CASQ2: variants seen among roughly 807,000 people sequenced by gnomAD.
CASQ2 encodes the protein calsequestrin-2.
Under a neutral mutation model 46.5 loss-of-function variants are expected in CASQ2, and 49 were observed. The ratio of observed to expected loss-of-function variants is 1.05; its 90% CI spans 0.84 to 1.34. The LOEUF (loss-of-function observed/expected upper bound fraction) is 1.34, where lower values mean the gene tolerates loss of function less well. Ranked by LOEUF, CASQ2 falls within the 40% of genes most tolerant of loss-of-function variation. The pLI, the probability that CASQ2 is intolerant of heterozygous loss-of-function variation, is 0.00. For missense variants in CASQ2, 486 were observed against 481.3 expected, an observed-to-expected ratio of 1.01 and a Z score of -0.09; for synonymous variants, 174 against 168.5, an observed-to-expected ratio of 1.03 and a Z score of -0.25.
intron 1 of CASQ2, among the ~76,000 whole-genome samples, chr1:115,761,335 T>C (rs572529047): frequency 8.9e-4 from 113 of 127,306 alleles, no homozygotes; most frequent in African/African-American, 3.8e-3. Flanking sequence ...AGGAGGAGGT[T>C]GCAGTGAGCT....
In CASQ2 at chr1:115,701,202, G is replaced by C; in HGVS notation, c.*39C>G. ...TTGTGCTGTCTGTATGGTAGTGGGT[G>C]CTGTGATTTTGTTTTCATCAGAATT... On this transcript the variant is annotated 3_prime_UTR_variant, in exon 11 of 11. Transcript: ENST00000261448. The C allele has an allele frequency of 6.2e-7, 1 of 1,613,152 alleles. No homozygotes were observed. The highest frequency in any genetic ancestry group is 8.5e-7 in the Non-Finnish European group (1 of 1,179,988).
chr1:115,737,115 A>G (rs1437149937), intron 4 of CASQ2, among the ~76,000 whole-genome samples: 2 of 152,330 alleles, frequency 1.3e-5, no homozygotes, highest in South Asian at 2.1e-4. Flanking sequence ...GGGAAGGAGA[A>G]GCACCCCAGA....
intron 1 of CASQ2, among the ~76,000 whole-genome samples, chr1:115,749,419 T>C (rs1648499001): frequency 6.6e-6 from 1 of 152,142 alleles, no homozygotes; most frequent in Admixed American, 6.5e-5. Flanking sequence ...TTTTCCCGAT[T>C]CCCTGGTTAA....
At chr1:115,753,628 C>A (rs1248921274) in intron 1 of CASQ2, among the ~76,000 whole-genome samples, 1 of 152,198 alleles carries the variant, frequency 6.6e-6, no homozygotes, top group Non-Finnish European at 1.5e-5. Flanking sequence ...GCCGCTGGGG[C>A]TCCCAGGGCA....
chr1:115,767,413 A>G (rs1649170568), intron 1 of CASQ2, among the ~76,000 whole-genome samples: 2 of 152,194 alleles, frequency 1.3e-5, no homozygotes, highest in African/African-American at 2.4e-5. Flanking sequence ...CTATTAAACT[A>G]TTTCATCAAC....
intron 6 of CASQ2, 136 bp downstream of exon 6, chr1:115,726,856 C>T: frequency 4.3e-6 from 3 of 693,740 alleles, no homozygotes; most frequent in Non-Finnish European, 5.1e-6. Flanking sequence ...ATCAACAAAG[C>T]CATACTACTG....
chr1:115,762,866 C>G (rs922776878), intron 1 of CASQ2, among the ~76,000 whole-genome samples: 2 of 152,110 alleles, frequency 1.3e-5, no homozygotes, highest in Non-Finnish European at 2.9e-5. Flanking sequence ...GATTCCTCAT[C>G]CCAGGCTGGG....
chr1:115,716,841 A>G (rs973007020), intron 8 of CASQ2, among the ~76,000 whole-genome samples: 4 of 152,146 alleles, frequency 2.6e-5, no homozygotes, highest in African/African-American at 9.7e-5. Context: ...TCTCTGTTCT[A>G]TAGACAAAAT....
intron 1 of CASQ2, among the ~76,000 whole-genome samples, chr1:115,758,747 G>A (rs1648843858): frequency 6.6e-6 from 1 of 152,184 alleles, no homozygotes; most frequent in African/African-American, 2.4e-5. Flanking sequence ...CTCTGGTGCT[G>A]TGTGATCTCT....
Position 115,753,643 on chromosome 1 carries a change from A to T in CASQ2, c.235-8731T>A, listed in dbSNP as rs75787387. Among the ~76,000 whole-genome samples, 845 of 152,314 alleles carry T rather than the reference A, an allele frequency of 5.5e-3. 7 individuals carry two copies. Among genetic ancestry groups the T allele is most frequent in the African/African-American group, 0.019 (799 of 41,572 alleles). On this transcript the variant is annotated intron_variant, in intron 1 of 10. Coordinates refer to ENST00000261448, the MANE Select transcript of CASQ2 (RefSeq NM_001232.4). ...GCCGCTGGGGCTCCCAGGGCAGCAC[A>T]TCCAATACCTCCATAAAGACCCCAC...
At position 115,726,975 on chromosome 1, in the gene CASQ2, C is replaced by CCCA; in HGVS notation, c.737+16_737+17insTGG. ...CCAGACCCCAGGCCCCCAGCCCCCA[C>CCCA]ATGCCATCTCAGGCACCTTTGGTGT... On this transcript the variant is annotated intron_variant, in intron 6 of 10. Transcript: ENST00000261448. The CCCA allele has an allele frequency of 6.3e-7, 1 of 1,589,520 alleles. No individual in the cohort carries two copies. Among genetic ancestry groups the CCCA allele is most frequent in the Non-Finnish European group, 8.6e-7 (1 of 1,161,778 alleles).
intron 5 of CASQ2, among the ~76,000 whole-genome samples, chr1:115,731,695 C>T (rs763057677): frequency 6.6e-5 from 10 of 152,146 alleles, no homozygotes; most frequent in African/African-American, 1.9e-4. Context: ...TTATAGCAAG[C>T]TTCTCAATTC....
intron 4 of CASQ2, among the ~76,000 whole-genome samples, chr1:115,734,987 T>A (rs1294133055): frequency 6.6e-6 from 1 of 152,230 alleles, no homozygotes; most frequent in Non-Finnish European, 1.5e-5. Context: ...ATTAAATGTA[T>A]AAACTTTATA....
At chr1:115,741,297 A>G (rs979609786) in intron 2 of CASQ2, among the ~76,000 whole-genome samples, 1 of 152,188 alleles carries the variant, frequency 6.6e-6, no homozygotes, top group Non-Finnish European at 1.5e-5. Flanking sequence ...TCCTGTCCAC[A>G]TGTTTATATG....
intron 10 of CASQ2, among the ~76,000 whole-genome samples, 192 bp from the exon 11 acceptor site, chr1:115,701,618 G>A (rs1224281008): frequency 1.3e-5 from 2 of 152,166 alleles, no homozygotes; most frequent in South Asian, 2.1e-4. Context: ...TGCATAAAAG[G>A]AAATGTGTAT....
At chr1:115,704,216 A>G (rs141581200) in intron 9 of CASQ2, among the ~76,000 whole-genome samples, 33 of 152,336 alleles carry the variant, frequency 2.2e-4, no homozygotes, top group African/African-American at 6.7e-4. Context: ...GTCATGACCT[A>G]TGCAACTAAT....
At position 115,739,630 on chromosome 1, in the gene CASQ2, G is replaced by A. The variant is rs192332823; in HGVS notation, c.420+1098C>T. Among the ~76,000 whole-genome samples the A allele has an allele frequency of 1.1e-3, 164 of 152,350 alleles. 1 individual carries two copies. The highest frequency in any genetic ancestry group is 1.4e-3 in the Non-Finnish European group (94 of 68,038). On this transcript the variant is annotated intron_variant, in intron 3 of 10. Transcript: ENST00000261448. The stretch of plus-strand genomic sequence containing the variant: ...TGAAATATGAATGAGGAAATGCAAT[G>A]TATTTGTTCCTACTGCTGGCCATCT...
At chr1:115,718,730 A>G (rs1647260042) in intron 7 of CASQ2, among the ~76,000 whole-genome samples, 1 of 152,152 alleles carries the variant, frequency 6.6e-6, no homozygotes, top group South Asian at 2.1e-4. Context: ...TAGAGAGAGT[A>G]TTTTAAGTCT....
chr1:115,750,447 A>G (rs1323014826), intron 1 of CASQ2, among the ~76,000 whole-genome samples: 4 of 152,194 alleles, frequency 2.6e-5, no homozygotes, highest in African/African-American at 9.7e-5. Context: ...TGCTTTAACC[A>G]TTGCTGATTC....
Sources: allele counts gnomAD v4.1 joint callset (sites outside exome capture counted in the v4.1 genomes callset), GRCh38; gene constraint gnomAD v4.1.1; transcripts MANE v1.5; gene names NCBI Gene and HGNC (gene_info 2026-07-23, HGNC 2026-07-21).